FRY: variants seen among roughly 807,000 people sequenced by gnomAD.
The protein encoded by FRY is FRY microtubule binding protein.
Under a neutral mutation model 348.4 loss-of-function variants are expected in FRY, and 128 were observed. That is an observed-to-expected ratio of 0.37 (90% CI 0.32 to 0.43). The LOEUF (loss-of-function observed/expected upper bound fraction) is 0.43, where lower values mean the gene tolerates loss of function less well. FRY is among the 20% of genes least tolerant of loss of function. The pLI is 1.00. For synonymous variants in FRY, 1,370 were observed against 1,374.7 expected (o/e 1.00, Z 0.08); for missense variants, 2,736 against 3,695.2 (o/e 0.74, Z 6.73).
At chr13:32,187,237 T>G (rs1883076975) in intron 27 of FRY, among the ~76,000 whole-genome samples, 1 of 152,208 alleles carries the variant, frequency 6.6e-6, no homozygotes, top group Non-Finnish European at 1.5e-5. Flanking sequence ...AAGCTTATTT[T>G]AAATATTGCA....
chr13:32,267,000 A>G (rs1368895501), intron 54 of FRY, among the ~76,000 whole-genome samples, 170 bp from the exon 55 acceptor site: 1 of 152,208 alleles, frequency 6.6e-6, no homozygotes. Context: ...CAGACCAAAA[A>G]GAATCACAGT....
At chr13:32,146,181 A>AT (rs11364929) in intron 11 of FRY, among the ~76,000 whole-genome samples, 2,231 of 147,000 alleles carry the variant, frequency 0.015, 23 homozygotes, top group Non-Finnish European at 0.023. Context: ...CCCTCCCACC[A>AT]TTTTTTTTTT....
intron 1 of FRY, among the ~76,000 whole-genome samples, chr13:32,050,800 TAAGA>T (rs1374186482): frequency 2.0e-5 from 3 of 152,302 alleles, no homozygotes; most frequent in East Asian, 3.9e-4. Context: ...AGTCATCACA[TAAGA>T]AAGTAAGACA....
chr13:32,052,342 A>G (rs1001897701), intron 1 of FRY, among the ~76,000 whole-genome samples: 1 of 152,240 alleles, frequency 6.6e-6, no homozygotes, highest in Non-Finnish European at 1.5e-5. Flanking sequence ...TTTTCTGAAT[A>G]GTTTTCCATG....
At chr13:32,077,652 G>C (rs913257656) in intron 1 of FRY, among the ~76,000 whole-genome samples, 3 of 152,180 alleles carry the variant, frequency 2.0e-5, no homozygotes, top group African/African-American at 7.2e-5. Context: ...TGCTTCCTCA[G>C]AACTTGGCTT....
chr13:32,145,955 T>C (rs1880417380), intron 11 of FRY, among the ~76,000 whole-genome samples: 1 of 152,176 alleles, frequency 6.6e-6, no homozygotes, highest in Non-Finnish European at 1.5e-5. Flanking sequence ...TCTCATTGGC[T>C]GCCTGTCACC....
At chr13:32,222,128 T>A (rs1885347758) in intron 36 of FRY, among the ~76,000 whole-genome samples, 1 of 152,144 alleles carries the variant, frequency 6.6e-6, no homozygotes. Flanking sequence ...GAGACTTGAA[T>A]GAAGCAAAGA....
chr13:32,076,902 C>A (rs556115092), intron 1 of FRY, among the ~76,000 whole-genome samples: 1 of 152,152 alleles, frequency 6.6e-6, no homozygotes, highest in Non-Finnish European at 1.5e-5. Context: ...GTCTATTGAG[C>A]CTTTCATAGG....
intron 1 of FRY, among the ~76,000 whole-genome samples, 196 bp downstream of exon 1, chr13:32,032,061 G>C (rs1014094160): frequency 7.4e-6 from 1 of 135,826 alleles, no homozygotes; most frequent in Non-Finnish European, 1.5e-5. Flanking sequence ...GCTCCCATCT[G>C]CTGTGAAAAT....
chr13:32,129,608 G>A (rs1593646366), intron 7 of FRY, among the ~76,000 whole-genome samples: 1 of 152,050 alleles, frequency 6.6e-6, no homozygotes, highest in South Asian at 2.1e-4. Context: ...AAATGCCACC[G>A]AAGATTAGGA....
chr13:32,060,140 C>T (rs1362923712), intron 1 of FRY, among the ~76,000 whole-genome samples: 1 of 152,214 alleles, frequency 6.6e-6, no homozygotes, highest in Admixed American at 6.5e-5. Flanking sequence ...GTTTCGGTCT[C>T]TTCACAGCTG....
intron 1 of FRY, among the ~76,000 whole-genome samples, chr13:32,057,793 A>C (rs1873719166): frequency 6.6e-6 from 1 of 152,118 alleles, no homozygotes; most frequent in African/African-American, 2.4e-5. Context: ...CCCTGTCTCT[A>C]CTAAAAAATA....
intron 1 of FRY, among the ~76,000 whole-genome samples, chr13:32,074,533 C>T (rs1874895460): frequency 6.6e-6 from 1 of 151,784 alleles, no homozygotes; most frequent in Non-Finnish European, 1.5e-5. Context: ...ATAGAAAGGA[C>T]GAAGGAAAGG....
chr13:32,237,419 G>A lies in FRY; in HGVS notation c.5851G>A (p.Ala1951Thr), dbSNP rs201859501. 51 of 1,613,942 alleles carry A rather than the reference G, an allele frequency of 3.2e-5. No individual in the cohort carries two copies. The highest frequency in any genetic ancestry group is 4.2e-5 in the Non-Finnish European group (50 of 1,179,984). ...PDLSSSSKLT[A>T]SRKSTGQLNM... ...TTTAAGCTCCAGCAGTAAACTAACAGCAAGCAGAAAGAGCACAGGACAACT... is the reference window on the plus strand; with the variant it reads ...TTTAAGCTCCAGCAGTAAACTAACAACAAGCAGAAAGAGCACAGGACAACT... Residue 1951 changes from alanine to threonine, a missense_variant, in exon 44 of 61, where the codon GCA becomes ACA. Transcript: ENST00000542859. The surrounding 1 kb of genome is among the most constrained non-coding windows in gnomAD (Gnocchi z 6.3).
rs1248337039 is a variant in FRY, at chr13:32,212,364, T to C, written c.4664T>C (p.Leu1555Ser). 1 of 1,599,652 alleles carries C rather than the reference T, an allele frequency of 6.3e-7. No homozygotes were observed. The change falls in exon 35 of 61, where the codon TTG (leucine) becomes TCG (serine). Residue 1555 changes from leucine to serine, a missense_variant. Leu to Ser is a moderately radical substitution (Grantham distance 145). Around this residue, in one of 9 missense-constraint regions of FRY, gnomAD observed 794 missense variants for 977.0 expected, o/e 0.81. Transcript: ENST00000542859. The stretch of plus-strand genomic sequence containing the variant: ...CCAGATGCTGAGGAGAACAAGATAT[T>C]GAAAGAATCTGATGAAAGGTTGGTA... ...NFPDAEENKILKESDERFSNV... is the reference protein window; with the variant it reads ...NFPDAEENKISKESDERFSNV...
At chr13:32,166,679 T>C (rs1881756913) in intron 17 of FRY, among the ~76,000 whole-genome samples, 1 of 150,608 alleles carries the variant, frequency 6.6e-6, no homozygotes, top group Non-Finnish European at 1.5e-5. Flanking sequence ...CCTCTGCTTA[T>C]ATGCTTCGAG....
chr13:32,288,847 T>C (rs1176162325), intron 58 of FRY, among the ~76,000 whole-genome samples: 1 of 152,170 alleles, frequency 6.6e-6, no homozygotes, highest in Non-Finnish European at 1.5e-5. Flanking sequence ...TGGAATAAAA[T>C]AGGCAAAGTG....
intron 13 of FRY, among the ~76,000 whole-genome samples, chr13:32,148,390 A>AT (rs1880585638): frequency 1.3e-5 from 2 of 152,268 alleles, no homozygotes; most frequent in African/African-American, 4.8e-5. Flanking sequence ...AAAGAATTTA[A>AT]TAGGAATATT....
intron 1 of FRY, among the ~76,000 whole-genome samples, chr13:32,068,124 T>G (rs1213320265): frequency 6.6e-6 from 1 of 152,188 alleles, no homozygotes; most frequent in Admixed American, 6.5e-5. Flanking sequence ...ATTCAAATTG[T>G]AAGTCAGCAG....
Sources: gnomAD v4.1 joint callset for allele counts (sites outside exome capture counted in the v4.1 genomes callset) on GRCh38, gnomAD v4.1.1 for gene constraint, gnomAD v4.1.1 regional missense constraint, Gnocchi (gnomAD v3.1) non-coding constraint, MANE v1.5 for transcripts, NCBI Gene and HGNC (gene_info 2026-07-23, HGNC 2026-07-21) for gene names.